The following SNX31 variants were observed in gnomAD, a reference collection of about 807,000 sequenced individuals.
SNX31 encodes the protein sorting nexin 31, also known as sorting nexin-31.
A neutral mutation model predicts 65.4 loss-of-function variants in SNX31; 58 were observed. That is an observed-to-expected ratio of 0.89 (90% CI 0.72 to 1.10). SNX31 has a LOEUF of 1.10. Among genes scored for constraint, SNX31 ranks in the 50% least tolerant of loss-of-function variants. The probability of loss-of-function intolerance (pLI) is 0.00; values close to 1 mark genes in which losing one functional copy is unlikely to be tolerated. For missense variants in SNX31, 523 were observed against 529.7 expected (o/e 0.99, Z 0.12); for synonymous variants, 181 against 190.1 (o/e 0.95, Z 0.39).
At chr8:100,608,902 A>G (rs1816443798) in intron 7 of SNX31, among the ~76,000 whole-genome samples, 1 of 151,972 alleles carries the variant, frequency 6.6e-6, no homozygotes, top group South Asian at 2.1e-4. Flanking sequence ...GGCATAGTCA[A>G]CTGCCCCACA....
At chr8:100,617,880 T>C in intron 4 of SNX31, 150 bp from the exon 5 acceptor site, 1 of 722,018 alleles carries the variant, frequency 1.4e-6, no homozygotes. Flanking sequence ...TTCTCCTTCC[T>C]CAGCCTCCCA....
rs572012995 is a variant in SNX31 at position 100,595,531 on chromosome 8, G to A, written c.978+1108C>T. Among the ~76,000 whole-genome samples, 9 of 152,182 alleles carry A rather than the reference G, an allele frequency of 5.9e-5. No homozygotes were observed. The South Asian group carries it at 1.9e-3, about 32-fold the overall frequency. On this transcript the variant is annotated intron_variant, in intron 10 of 13. Transcript: ENST00000311812. ...TGCCATGTTGCCTGGGCTGGTAAGG[G>A]AGACTTTTGAGGGACAGCAAAGTAT... is the stretch of plus-strand genomic sequence containing the variant.
At chr8:100,662,203 T>G (rs1238696762) in intron 1 of SNX31, among the ~76,000 whole-genome samples, 3 of 152,162 alleles carry the variant, frequency 2.0e-5, no homozygotes, top group Non-Finnish European at 4.4e-5. Context: ...ACTGAAAAAC[T>G]CCATGATTGA....
Position 100,612,943 on chromosome 8 carries a change from C to T in SNX31, c.523+52G>A. 1 of 1,521,298 alleles carries T rather than the reference C, an allele frequency of 6.6e-7. No individual in the cohort carries two copies. Among genetic ancestry groups the T allele is most frequent in the African/African-American group, 1.4e-5 (1 of 73,032 alleles). 94.2% of individuals were successfully genotyped at this position (1,521,298 alleles called of 1,614,324 possible). A position where few individuals can be genotyped will look rare whatever the true frequency, so the allele number is the denominator to read the frequency against. The stretch of plus-strand genomic sequence containing the variant: ...GCTGTGACTCCTATGAGCCCCTGCT[C>T]ACACCTGTCCACCCCATCTCCTAGC... On this transcript the variant is annotated intron_variant, in intron 6 of 13. Coordinates refer to ENST00000311812, the MANE Select transcript of SNX31 (RefSeq NM_152628.4). This position sits in a 1 kb window ranked among gnomAD's most constrained non-coding sequence, Gnocchi z 4.3.
chr8:100,634,971 G>A (rs1232379127), intron 3 of SNX31, among the ~76,000 whole-genome samples: 8 of 135,850 alleles, frequency 5.9e-5, no homozygotes, highest in Non-Finnish European at 1.2e-4. Context: ...GCTGTGGTGG[G>A]AGGATTGCTT....
intron 5 of SNX31, among the ~76,000 whole-genome samples, chr8:100,616,291 A>C (rs964150098): frequency 5.9e-5 from 9 of 152,172 alleles, no homozygotes; most frequent in African/African-American, 2.2e-4. Flanking sequence ...TAGTTTGGTC[A>C]GCAAGCCCAG....
At chr8:100,583,891 T>C (rs887786732) in intron 12 of SNX31, among the ~76,000 whole-genome samples, 7 of 152,190 alleles carry the variant, frequency 4.6e-5, no homozygotes, top group Non-Finnish European at 8.8e-5. Context: ...TGACTTCTCA[T>C]TGGAAAAATG....
intron 2 of SNX31, among the ~76,000 whole-genome samples, chr8:100,639,270 A>C (rs1430879898): frequency 1.3e-5 from 2 of 152,236 alleles, no homozygotes; most frequent in African/African-American, 4.8e-5. Context: ...GAATGTGATA[A>C]AACTATGTTA....
chr8:100,589,767 CTG>C (rs1274426526), intron 10 of SNX31, among the ~76,000 whole-genome samples: 2 of 152,324 alleles, frequency 1.3e-5, no homozygotes, highest in East Asian at 3.9e-4. Flanking sequence ...TAGGCAACAT[CTG>C]TGATTTTTGC....
chr8:100,589,635 G>A lies in SNX31; in HGVS notation c.979-656C>T, dbSNP rs559415797. On this transcript the variant is annotated intron_variant, in intron 10 of 13. Transcript: ENST00000311812. Reference sequence around the variant, plus strand: ...TTTGAAAGAGGAAATATTCTAGCAAGTGCAAATGTCCTGAGGCATGTTGGA... The same window carrying A: ...TTTGAAAGAGGAAATATTCTAGCAAATGCAAATGTCCTGAGGCATGTTGGA... Among the ~76,000 whole-genome samples the A allele has an allele frequency of 3.3e-5, 5 of 152,312 alleles. No individual in the cohort carries two copies. In the South Asian group the frequency reaches 1.0e-3, roughly 32 times the overall value.
intron 4 of SNX31, chr8:100,619,232 G>A (rs982450943): frequency 6.6e-6 from 1 of 152,202 alleles, no homozygotes; most frequent in Non-Finnish European, 1.5e-5. Flanking sequence ...AGGAACTGGG[G>A]ACAAAGATCA....
intron 3 of SNX31, among the ~76,000 whole-genome samples, chr8:100,635,499 C>T (rs1169711763): frequency 6.6e-6 from 1 of 151,116 alleles, no homozygotes; most frequent in East Asian, 1.9e-4. Context: ...CCTCAGCTTC[C>T]CAAAGTGCTG....
intron 3 of SNX31, among the ~76,000 whole-genome samples, chr8:100,633,209 A>G (rs1259852995): frequency 2.6e-5 from 4 of 152,044 alleles, no homozygotes; most frequent in Non-Finnish European, 4.4e-5. Flanking sequence ...AATTGCAGGC[A>G]TGAGCTACCA....
upstream of SNX31, among the ~76,000 whole-genome samples, chr8:100,652,136 G>A (rs923077226): frequency 2.6e-5 from 4 of 152,070 alleles, no homozygotes; most frequent in African/African-American, 9.7e-5. Context: ...ACGCCACAAT[G>A]CCCGGCTAAT....
rs1161067092 is a variant in SNX31, at chr8:100,648,460, G to A, written c.141+814C>T. Among the ~76,000 whole-genome samples, 1 of 151,782 alleles carries A rather than the reference G, an allele frequency of 6.6e-6. No individual in the cohort carries two copies. Among genetic ancestry groups the A allele is most frequent in the Non-Finnish European group, 1.5e-5 (1 of 67,978 alleles). On this transcript the variant is annotated intron_variant, in intron 2 of 13. Coordinates refer to ENST00000311812, the MANE Select transcript of SNX31 (RefSeq NM_152628.4). This position sits in a 1 kb window ranked among gnomAD's most constrained non-coding sequence, Gnocchi z 4.3. Reference sequence around the variant, plus strand: ...TTACAAGCATGAGCCACGGTGCCTGGCCTATACTTTTGTTTTTAATGTTAG... The same window carrying A: ...TTACAAGCATGAGCCACGGTGCCTGACCTATACTTTTGTTTTTAATGTTAG...
chr8:100,573,926 C>CTTTTTTTTT lies in SNX31; in HGVS notation c.1261_1262insAAAAAAAAA (p.Lys420_Ser421insLysLysLys), dbSNP rs752425672. On this transcript the variant is annotated inframe_insertion, in exon 14 of 14. Coordinates refer to ENST00000311812, the MANE Select transcript of SNX31 (RefSeq NM_152628.4). ...GTCATCTTTAGCTATCTTAATCTTG[C>CTTTTTTTTT]TTTTTCTTGATAGAAAACTAGAATA... is the stretch of plus-strand genomic sequence containing the variant. 1.9e-6 allele frequency: 3 copies of CTTTTTTTTT among 1,586,894 alleles called. No homozygotes were observed. Among genetic ancestry groups the CTTTTTTTTT allele is most frequent in the East Asian group, 2.3e-5 (1 of 42,862 alleles).
Position 100,576,966 on chromosome 8 carries a change from G to T in SNX31, c.1227+53C>A. On this transcript the variant is annotated intron_variant, in intron 13 of 13. Coordinates refer to ENST00000311812, the MANE Select transcript of SNX31 (RefSeq NM_152628.4). The surrounding 1 kb of genome is among the most constrained non-coding windows in gnomAD (Gnocchi z 4.8). ...ATGACTTTGGTTAAAGAGGAAAAAAGATCAGATTTATCAAAATTATAATGT... is the reference window on the plus strand; with the variant it reads ...ATGACTTTGGTTAAAGAGGAAAAAATATCAGATTTATCAAAATTATAATGT... 1.4e-6 allele frequency: 2 copies of T among 1,418,226 alleles called. No homozygotes were observed. Among genetic ancestry groups the T allele is most frequent in the Non-Finnish European group, 9.9e-7 (1 of 1,014,508 alleles). 87.9% of individuals were successfully genotyped at this position (1,418,226 alleles called of 1,614,324 possible).
At chr8:100,638,644 T>C (rs1272091796) in intron 2 of SNX31, among the ~76,000 whole-genome samples, 5 of 152,236 alleles carry the variant, frequency 3.3e-5, no homozygotes, top group African/African-American at 1.2e-4. Context: ...TACAGAATAT[T>C]ACAACCACTT....
At position 100,573,835 on chromosome 8, in the gene SNX31, C is replaced by T. The variant is rs368683915; in HGVS notation, c.*30G>A. 8.3e-5 allele frequency: 122 copies of T among 1,473,590 alleles called. No homozygotes were observed. Among genetic ancestry groups the T allele is most frequent in the Non-Finnish European group, 1.1e-4 (117 of 1,075,064 alleles). 91.3% of individuals were successfully genotyped at this position (1,473,590 alleles called of 1,614,324 possible). On this transcript the variant is annotated 3_prime_UTR_variant, in exon 14 of 14. Coordinates refer to ENST00000311812, the MANE Select transcript of SNX31 (RefSeq NM_152628.4). ...TCTTTCACTGTCTTGAGATAGCCTC[C>T]AAGGATATTTTAAAATATGAGAGCT...
Sources: allele counts gnomAD v4.1 joint callset (sites outside exome capture counted in the v4.1 genomes callset), GRCh38; gene constraint gnomAD v4.1.1; non-coding constraint Gnocchi (gnomAD v3.1); transcripts MANE v1.5; gene names NCBI Gene and HGNC (gene_info 2026-07-23, HGNC 2026-07-21).